Variants in CCDC178 observed in about 807,000 individuals in gnomAD.
CCDC178 encodes coiled-coil domain containing 178.
CCDC178 carries 126 observed loss-of-function variants against 117.4 expected under a neutral mutation model. That is an observed-to-expected ratio of 1.07 (90% CI 0.93 to 1.24). CCDC178 has a LOEUF of 1.24. Among genes scored for constraint, CCDC178 ranks in the 50% most tolerant of loss-of-function variants. The pLI is 0.00. For synonymous variants in CCDC178, 283 were observed against 313.4 expected, an observed-to-expected ratio of 0.90 and a Z score of 1.02; for missense variants, 1,030 against 986.9, an observed-to-expected ratio of 1.04 and a Z score of -0.59.
At chr18:33,335,735 T>C (rs1030728325) in intron 9 of CCDC178, among the ~76,000 whole-genome samples, 5 of 152,136 alleles carry the variant, frequency 3.3e-5, no homozygotes, top group Admixed American at 6.5e-5. Flanking sequence ...TGTCCTTGCT[T>C]TTATTTTTAA....
intron 8 of CCDC178, among the ~76,000 whole-genome samples, chr18:33,348,195 CA>C (rs1169864572): frequency 6.6e-6 from 1 of 151,682 alleles, no homozygotes; most frequent in Non-Finnish European, 1.5e-5. Flanking sequence ...CTTTGAAAAA[CA>C]AAATATTCTT....
intron 16 of CCDC178, among the ~76,000 whole-genome samples, chr18:33,226,385 T>G (rs969646842): frequency 6.6e-6 from 1 of 152,224 alleles, no homozygotes; most frequent in Non-Finnish European, 1.5e-5. Flanking sequence ...CCAGCTTACA[T>G]GCTTTATTTT....
At chr18:33,038,883 T>A (rs2056494044) in intron 21 of CCDC178, among the ~76,000 whole-genome samples, 1 of 152,002 alleles carries the variant, frequency 6.6e-6, no homozygotes, top group African/African-American at 2.4e-5. Flanking sequence ...GCCAAAGGAC[T>A]CCCATCAATT....
chr18:33,079,695 A>C (rs1567975262), intron 21 of CCDC178, among the ~76,000 whole-genome samples: 1 of 152,238 alleles, frequency 6.6e-6, no homozygotes, highest in Admixed American at 6.5e-5. Flanking sequence ...ATCACTGATC[A>C]TCAGAGAAAT....
chr18:33,415,613 G>A (rs2063929439), intron 2 of CCDC178, among the ~76,000 whole-genome samples: 1 of 152,012 alleles, frequency 6.6e-6, no homozygotes, highest in African/African-American at 2.4e-5. Context: ...GAGTTAACGG[G>A]TGCAGCACAC....
At chr18:33,194,054 T>G (rs1364427972) in intron 20 of CCDC178, among the ~76,000 whole-genome samples, 1 of 151,686 alleles carries the variant, frequency 6.6e-6, no homozygotes, top group Non-Finnish European at 1.5e-5. Flanking sequence ...CTGAACACCC[T>G]CCGAGGTCCC....
At chr18:33,336,928 T>C (rs1029818563) in intron 9 of CCDC178, among the ~76,000 whole-genome samples, 1 of 152,116 alleles carries the variant, frequency 6.6e-6, no homozygotes, top group Non-Finnish European at 1.5e-5. Context: ...TTTCTAGTTC[T>C]GTGAAGAATG....
intron 20 of CCDC178, among the ~76,000 whole-genome samples, chr18:33,188,684 C>T (rs2058823389): frequency 6.6e-6 from 1 of 152,130 alleles, no homozygotes; most frequent in Non-Finnish European, 1.5e-5. Context: ...TGAATTCAGC[C>T]AACAACCTGA....
chr18:33,289,207 C>T (rs2144859649), intron 12 of CCDC178, among the ~76,000 whole-genome samples: 1 of 152,070 alleles, frequency 6.6e-6, no homozygotes, highest in African/African-American at 2.4e-5. Context: ...TAATATTCTC[C>T]ACACTGCATG....
At chr18:33,253,924 T>C (rs1349852261) in intron 14 of CCDC178, among the ~76,000 whole-genome samples, 2 of 151,844 alleles carry the variant, frequency 1.3e-5, no homozygotes, top group Non-Finnish European at 1.5e-5. Flanking sequence ...AAATTGAGGG[T>C]AATATATACA....
At chr18:33,286,214 A>T (rs1364538057) in intron 12 of CCDC178, among the ~76,000 whole-genome samples, 1 of 152,006 alleles carries the variant, frequency 6.6e-6, no homozygotes, top group Non-Finnish European at 1.5e-5. Flanking sequence ...TGACCTGGTG[A>T]TCCATCTTCC....
chr18:33,310,063 G>A lies in CCDC178; in HGVS notation c.1022+13428C>T, dbSNP rs1183881156. Among the ~76,000 whole-genome samples, 5 of 151,974 alleles carry A rather than the reference G, an allele frequency of 3.3e-5. No homozygotes were observed. In the East Asian group the frequency reaches 9.7e-4, roughly 29 times the overall value. On this transcript the variant is annotated intron_variant, in intron 11 of 22. Transcript: ENST00000383096. The stretch of plus-strand genomic sequence containing the variant: ...GGCTCACTCCAGCTCCTGGGTTCAA[G>A]CAATTCCCCTGCCTCAGCCTTCTGA...
chr18:33,267,137 T>C (rs548547349), intron 13 of CCDC178, 65 bp downstream of exon 13: 1 of 1,523,224 alleles, frequency 6.6e-7, no homozygotes, highest in South Asian at 1.2e-5. Context: ...CTTTTAGATA[T>C]ATGAGTTAAT....
intron 21 of CCDC178, among the ~76,000 whole-genome samples, chr18:33,061,995 C>T (rs945694304): frequency 8.6e-5 from 13 of 151,874 alleles, no homozygotes; most frequent in South Asian, 2.1e-4. Flanking sequence ...TAAAAGTAAT[C>T]GGATTTATTT....
intron 10 of CCDC178, among the ~76,000 whole-genome samples, chr18:33,332,592 T>C (rs1371707264): frequency 2.6e-5 from 4 of 152,160 alleles, no homozygotes; most frequent in Admixed American, 2.6e-4. Flanking sequence ...TTGCTTTGCT[T>C]TGAGACAGGG....
chr18:33,360,559 A>T (rs917117184), intron 6 of CCDC178, among the ~76,000 whole-genome samples: 1 of 151,588 alleles, frequency 6.6e-6, no homozygotes, highest in African/African-American at 2.4e-5. Context: ...TTGAAAATGA[A>T]AAAAGGAAAA....
chr18:33,035,228 G>T (rs1333059866), intron 21 of CCDC178, among the ~76,000 whole-genome samples: 1 of 151,960 alleles, frequency 6.6e-6, no homozygotes, highest in Non-Finnish European at 1.5e-5. Context: ...TGGATACATG[G>T]AAGTGGAGGG....
chr18:33,238,474 A>G (rs1243596897), intron 15 of CCDC178, among the ~76,000 whole-genome samples: 1 of 152,076 alleles, frequency 6.6e-6, no homozygotes, highest in African/African-American at 2.4e-5. Context: ...AACCAAACAG[A>G]AAACTAGAGC....
intron 4 of CCDC178, among the ~76,000 whole-genome samples, chr18:33,390,492 T>C (rs917412920): frequency 9.2e-5 from 14 of 152,112 alleles, no homozygotes; most frequent in African/African-American, 3.1e-4. Flanking sequence ...AATAATATAA[T>C]GTGGACCAGT....
Sources: gnomAD v4.1 joint callset for allele counts (sites outside exome capture counted in the v4.1 genomes callset) on GRCh38, gnomAD v4.1.1 for gene constraint, MANE v1.5 for transcripts, NCBI Gene and HGNC (gene_info 2026-07-23, HGNC 2026-07-21) for gene names.